ASTN1: variants seen among roughly 807,000 people sequenced by gnomAD.
The protein encoded by ASTN1 is astrotactin 1, also known as astrotactin-1.
A neutral mutation model predicts 140.7 loss-of-function variants in ASTN1; 41 were observed. That is an observed-to-expected ratio of 0.29 (90% confidence interval 0.23 to 0.38). The LOEUF (loss-of-function observed/expected upper bound fraction) is 0.38. ASTN1 is among the 10% of genes least tolerant of loss of function. ASTN1 has a pLI of 1.00. For synonymous variants in ASTN1, 640 were observed against 652.2 expected (o/e 0.98, Z 0.29); for missense variants, 1,479 against 1,678.8 (o/e 0.88, Z 2.08).
chr1:177,081,645 T>A lies in ASTN1; in HGVS notation c.284-20380A>T, dbSNP rs1430389665. On this transcript the variant is annotated intron_variant, in intron 1 of 22. Coordinates refer to ENST00000361833, the MANE Select transcript of ASTN1 (RefSeq NM_004319.3). ...TTGGCTAAGTTACAGAGTCATGCAG[T>A]GATGGCAGGGTGCCTTCTGAAGACA... Among the ~76,000 whole-genome samples the A allele has an allele frequency of 5.3e-5, 8 of 152,124 alleles. No individual in the cohort carries two copies. The South Asian group carries it at 1.7e-3, about 32-fold the overall frequency.
chr1:176,862,627 A>C lies in ASTN1; in HGVS notation c.*1657T>G. ...AGACCAACAGCCTGAAATCACACTG[A>C]AACTCAGTGTGAGTTACAGTGCACA... On this transcript the variant is annotated 3_prime_UTR_variant, in exon 23 of 23. Coordinates refer to ENST00000361833, the MANE Select transcript of ASTN1 (RefSeq NM_004319.3). 1 of 966,750 alleles carries C rather than the reference A, an allele frequency of 1.0e-6. No homozygotes were observed. The highest frequency in any genetic ancestry group is 1.2e-6 in the Non-Finnish European group (1 of 812,958). The allele number at this position is 966,750 out of a possible 1,614,324, so 59.9% of individuals were successfully genotyped here. A position where few individuals can be genotyped will look rare whatever the true frequency, so the allele number is the denominator to read the frequency against.
At chr1:177,039,361 G>A (rs1676868455) in intron 2 of ASTN1, among the ~76,000 whole-genome samples, 1 of 152,184 alleles carries the variant, frequency 6.6e-6, no homozygotes, top group South Asian at 2.1e-4. Flanking sequence ...AAGGTCAGGG[G>A]TAAACACCCT....
chr1:176,893,045 T>C (rs376402567), intron 17 of ASTN1, among the ~76,000 whole-genome samples: 18 of 152,130 alleles, frequency 1.2e-4, no homozygotes, highest in African/African-American at 4.1e-4. Flanking sequence ...AAGTAGGGGA[T>C]CCAGAAAGGG....
At chr1:176,896,077 A>T (rs905461172) in intron 16 of ASTN1, among the ~76,000 whole-genome samples, 1 of 152,136 alleles carries the variant, frequency 6.6e-6, no homozygotes, top group African/African-American at 2.4e-5. Flanking sequence ...TTTATAAAAG[A>T]GTTCTCTCTT....
intron 1 of ASTN1, among the ~76,000 whole-genome samples, chr1:177,149,339 T>C (rs1457184174): frequency 4.9e-5 from 4 of 82,074 alleles, no homozygotes; most frequent in Non-Finnish European, 7.8e-5. Flanking sequence ...AGTAAATATA[T>C]ATATAGTATA....
intron 16 of ASTN1, among the ~76,000 whole-genome samples, chr1:176,926,504 T>A (rs1369482679): frequency 6.6e-6 from 1 of 152,200 alleles, no homozygotes; most frequent in East Asian, 1.9e-4. Context: ...TGGCAGCACC[T>A]TCATCAGGCC....
At chr1:177,043,244 A>T (rs1171173887) in intron 2 of ASTN1, among the ~76,000 whole-genome samples, 1 of 152,214 alleles carries the variant, frequency 6.6e-6, no homozygotes, top group East Asian at 1.9e-4. Flanking sequence ...CTGGGATGGG[A>T]GACCTAAGAA....
chr1:176,959,003 G>T (rs531756390), intron 9 of ASTN1, among the ~76,000 whole-genome samples: 3 of 152,224 alleles, frequency 2.0e-5, no homozygotes, highest in South Asian at 4.2e-4. Flanking sequence ...GAGGAGAGAA[G>T]AGCAGATGAA....
chr1:176,878,126 C>A (rs1327624654), intron 20 of ASTN1, among the ~76,000 whole-genome samples: 3 of 152,166 alleles, frequency 2.0e-5, no homozygotes, highest in Non-Finnish European at 4.4e-5. Flanking sequence ...CCCCATACCA[C>A]CTGAACACTG....
At chr1:176,934,984 TG>T (rs981050694) in intron 15 of ASTN1, among the ~76,000 whole-genome samples, 36 of 152,176 alleles carry the variant, frequency 2.4e-4, no homozygotes, top group African/African-American at 8.2e-4. Flanking sequence ...ATAAAAGGAC[TG>T]GGAAATGACA....
Position 177,029,630 on chromosome 1 carries a change from C to A in ASTN1, c.1120+4G>T. 1.2e-6 allele frequency: 2 copies of A among 1,613,172 alleles called. No homozygotes were observed. The highest frequency in any genetic ancestry group is 1.7e-5 in the Admixed American group (1 of 59,960). ...CCACCTTCTGCCACCTCTATCATTC[C>A]TACCTCTACTACGCCTCCTGCTCCT... On this transcript the variant is annotated splice_donor_region_variant and intron_variant, in intron 5 of 22. Transcript: ENST00000361833.
chr1:176,875,370 T>C (rs978110600), intron 21 of ASTN1, among the ~76,000 whole-genome samples: 3 of 152,194 alleles, frequency 2.0e-5, no homozygotes, highest in African/African-American at 7.2e-5. Context: ...ACCTGTTTAA[T>C]ATTTTTGTCA....
At position 176,863,811 on chromosome 1, in the gene ASTN1, G is replaced by C. The variant is rs1668041702; in HGVS notation, c.*473C>G. 1 of 993,036 alleles carries C rather than the reference G, an allele frequency of 1.0e-6. No individual in the cohort carries two copies. The highest frequency in any genetic ancestry group is 4.5e-5 in the South Asian group (1 of 22,162). The allele number at this position is 993,036 out of a possible 1,614,324, so 61.5% of individuals were successfully genotyped here. ...TGTGAGCAGGGCCAAGGCTCCCAGAGTGAGACGCTTCCTGAGGAATGCTTG... is the reference window on the plus strand; with the variant it reads ...TGTGAGCAGGGCCAAGGCTCCCAGACTGAGACGCTTCCTGAGGAATGCTTG... On this transcript the variant is annotated 3_prime_UTR_variant, in exon 23 of 23. Coordinates refer to ENST00000361833, the MANE Select transcript of ASTN1 (RefSeq NM_004319.3).
intron 1 of ASTN1, among the ~76,000 whole-genome samples, chr1:177,079,419 T>C (rs954309421): frequency 1.3e-5 from 2 of 152,194 alleles, no homozygotes; most frequent in African/African-American, 4.8e-5. Flanking sequence ...ACAAAATGTC[T>C]TAAAAGTTTC....
intron 1 of ASTN1, among the ~76,000 whole-genome samples, chr1:177,147,655 T>C (rs924989811): frequency 3.9e-5 from 6 of 152,164 alleles, no homozygotes; most frequent in African/African-American, 1.4e-4. Context: ...GGAGGAGAGT[T>C]GTTGAAGTAA....
intron 9 of ASTN1, among the ~76,000 whole-genome samples, chr1:176,962,336 G>A (rs1317255668): frequency 6.6e-6 from 1 of 152,072 alleles, no homozygotes; most frequent in Non-Finnish European, 1.5e-5. Context: ...AAGTTATTTG[G>A]GATTGCAGAT....
chr1:177,040,040 CAGA>C lies in ASTN1; in HGVS notation c.472-7194_472-7192del, dbSNP rs542735739. ...TTGACCATGAAGATCCCTTTCCTGC[CAGA>C]AGGAGTTGCCCAAACTGGAAGAGAA... On this transcript the variant is annotated intron_variant, in intron 2 of 22. Coordinates refer to ENST00000361833, the MANE Select transcript of ASTN1 (RefSeq NM_004319.3). Among the ~76,000 whole-genome samples the C allele has an allele frequency of 3.3e-5, 5 of 152,318 alleles. No homozygotes were observed. The South Asian group carries it at 1.0e-3, about 32-fold the overall frequency.
At chr1:177,075,380 C>CT (rs1678839725) in intron 1 of ASTN1, among the ~76,000 whole-genome samples, 2 of 149,100 alleles carry the variant, frequency 1.3e-5, no homozygotes, top group African/African-American at 5.0e-5. Flanking sequence ...CCATTTCTTG[C>CT]TTTTTTAAAA....
At chr1:177,149,086 ATATATATAGTAAATATATATAGTG>A (rs1012853625) in intron 1 of ASTN1, among the ~76,000 whole-genome samples, 14 of 129,388 alleles carry the variant, frequency 1.1e-4, no homozygotes, top group African/African-American at 2.0e-4. Flanking sequence ...TATAGTAAAC[ATATATATAGTAAATATATATAGTG>A]TATATATAGT....
Sources: allele counts gnomAD v4.1 joint callset (sites outside exome capture counted in the v4.1 genomes callset), GRCh38; gene constraint gnomAD v4.1.1; transcripts MANE v1.5; gene names NCBI Gene and HGNC (gene_info 2026-07-23, HGNC 2026-07-21).